Variants in NME2 observed in about 807,000 individuals in gnomAD.
NME2 encodes the protein nucleoside diphosphate kinase B.
In NME2, 18 loss-of-function variants were observed where a neutral mutation model predicts 17.8. The ratio of observed to expected loss-of-function variants is 1.01; its 90% CI spans 0.70 to 1.50. NME2 has a LOEUF of 1.50. NME2 is among the 40% of genes most tolerant of loss of function. The pLI is 0.00. For synonymous variants in NME2, 74 were observed against 71.4 expected (o/e 1.04, Z -0.19); for missense variants, 161 against 195.6 (o/e 0.82, Z 1.05).
chr17:51,168,949 A>G (rs1321687778), intron 3 of NME2, among the ~76,000 whole-genome samples: 1 of 151,848 alleles, frequency 6.6e-6, no homozygotes, highest in Non-Finnish European at 1.5e-5. Flanking sequence ...GGCGACAGCA[A>G]GACTCCATCT....
At chr17:51,167,114 C>A in intron 2 of NME2, 158 bp downstream of exon 2, 1 of 1,472,918 alleles carries the variant, frequency 6.8e-7, no homozygotes, top group Non-Finnish European at 9.1e-7. Context: ...GCCCGCCGAC[C>A]CTTTCCCGGG....
intron 4 of NME2, among the ~76,000 whole-genome samples, chr17:51,171,139 TC>T (rs796469661): frequency 5.0e-4 from 76 of 152,334 alleles, no homozygotes; most frequent in African/African-American, 1.7e-3. Context: ...AATGAACACA[TC>T]ATATCTAGTT....
At chr17:51,165,861 G>A (rs1190526270), upstream of NME2, 1 of 152,436 alleles carries the variant, frequency 6.6e-6, no homozygotes, top group African/African-American at 2.4e-5. Context: ...AGGACCAGAT[G>A]GCCGTTTGAG....
intron 3 of NME2, 182 bp from the exon 4 acceptor site, chr17:51,169,755 T>G: frequency 1.8e-6 from 1 of 545,458 alleles, no homozygotes; most frequent in South Asian, 2.4e-5. Context: ...GACTTTTCTT[T>G]GAATCCTAGC....
Position 51,170,048 on chromosome 17 carries a change from AG to A in NME2, c.341+1del. ...IRGDFCIQVGRNIIHGSDSVK... is the reference protein window; with the variant it reads ...IRGDFCIQVGXNIIHGSDSVK... ...TGGGGACTTCTGCATTCAGGTTGGC[AG>A]GTAAGTCCGGGGACAGGAGGGTGGA... is the stretch of plus-strand genomic sequence containing the variant. On this transcript the variant is annotated frameshift_variant and splice_region_variant, in exon 4 of 5. Coordinates refer to ENST00000512737, the MANE Select transcript of NME2 (RefSeq NM_002512.4). LOFTEE classifies it high-confidence loss of function. The A allele has an allele frequency of 1.2e-6, 2 of 1,606,692 alleles. No individual in the cohort carries two copies. Among genetic ancestry groups the A allele is most frequent in the Non-Finnish European group, 1.7e-6 (2 of 1,176,836 alleles).
intron 1 of NME2, 92 bp downstream of exon 1, chr17:51,166,589 C>G: frequency 3.4e-6 from 1 of 290,066 alleles, no homozygotes; most frequent in Non-Finnish European, 6.1e-6. Context: ...GGGCGCCCCC[C>G]GATTTCCCGC....
chr17:51,169,798 C>T (rs2050028603), intron 3 of NME2, 139 bp from the exon 4 acceptor site: 1 of 725,268 alleles, frequency 1.4e-6, no homozygotes, highest in African/African-American at 1.8e-5. Flanking sequence ...TATATAGGCC[C>T]CTACTCTCTG....
chr17:51,170,109 A>G (rs8074994), intron 4 of NME2, 60 bp downstream of exon 4: 3 of 1,246,062 alleles, frequency 2.4e-6, no homozygotes, highest in South Asian at 2.9e-5. Context: ...AGCAGACGTC[A>G]TGGCGTATCC....
rs767236870 is a variant in NME2 at position 51,166,868 on chromosome 17, C to A, written c.38C>A (p.Pro13Gln). The change falls in exon 2 of 5, where the codon CCG becomes CAG. Residue 13 changes from proline (P) to glutamine (Q), a missense_variant. Physicochemically the swap from Pro to Gln is moderately conservative, Grantham distance 76. Coordinates refer to ENST00000512737, the MANE Select transcript of NME2 (RefSeq NM_002512.4). Reference protein sequence around the residue: ...NLERTFIAIKPDGVQRGLVGE... With the variant: ...NLERTFIAIKQDGVQRGLVGE... The stretch of plus-strand genomic sequence containing the variant: ...GAGCGCACCTTCATCGCCATCAAGC[C>A]GGACGGCGTGCAGCGCGGCCTGGTG... 1 of 1,613,684 alleles carries A rather than the reference C, an allele frequency of 6.2e-7. No individual in the cohort carries two copies. Among genetic ancestry groups the A allele is most frequent in the South Asian group, 1.1e-5 (1 of 91,078 alleles).
Position 51,166,854 on chromosome 17 carries a change from C to T in NME2, c.24C>T (p.Phe8=). MANLERT[F]IAIKPDGVQR... is the part of the protein sequence containing the mutation. ...CCATGGCCAACCTGGAGCGCACCTT[C>T]ATCGCCATCAAGCCGGACGGCGTGC... Residue 8 remains phenylalanine, a synonymous_variant, in exon 2 of 5, where the codon TTC becomes TTT. Transcript: ENST00000512737. The T allele has an allele frequency of 6.2e-7, 1 of 1,613,576 alleles. No homozygotes were observed. The highest frequency in any genetic ancestry group is 8.5e-7 in the Non-Finnish European group (1 of 1,179,758).
chr17:51,171,604 A>C lies in NME2; in HGVS notation c.459A>C (p.Ter153TyrextTer24). ...GTGCTCATGACTGGGTCTATGAATA[A>C]GAGGTGGACACAACAGCAGTCTCCT... Reference protein sequence around the residue: ...KSCAHDWVYE* With the variant: ...KSCAHDWVYEY The change falls in exon 5 of 5, where the codon TAA becomes TAC. Residue 153 changes from the stop codon to tyrosine (Y), a stop_lost. Transcript: ENST00000512737. 1 of 1,611,080 alleles carries C rather than the reference A, an allele frequency of 6.2e-7. No homozygotes were observed. The highest frequency in any genetic ancestry group is 1.3e-5 in the African/African-American group (1 of 75,016).
rs906012891 is a variant in NME2, at chr17:51,166,855, A to T, written c.25A>T (p.Ile9Phe). Residue 9 changes from isoleucine (I) to phenylalanine (F), a missense_variant, in exon 2 of 5, where the codon ATC becomes TTC. By Grantham distance (21) the Ile-to-Phe change is conservative. Transcript: ENST00000512737. The stretch of plus-strand genomic sequence containing the variant: ...CATGGCCAACCTGGAGCGCACCTTC[A>T]TCGCCATCAAGCCGGACGGCGTGCA... MANLERTF[I>F]AIKPDGVQRG... The T allele has an allele frequency of 6.2e-6, 10 of 1,613,132 alleles. No homozygotes were observed. In the African/African-American group the frequency reaches 1.2e-4, roughly 19 times the overall value.
intron 4 of NME2, among the ~76,000 whole-genome samples, chr17:51,170,256 C>G (rs1320689561): frequency 6.6e-6 from 1 of 151,422 alleles, no homozygotes; most frequent in Non-Finnish European, 1.5e-5. Flanking sequence ...ATCCTCCTGC[C>G]GCAGCCTCCC....
At chr17:51,171,243 C>G (rs2050063476) in intron 4 of NME2, among the ~76,000 whole-genome samples, 1 of 152,122 alleles carries the variant, frequency 6.6e-6, no homozygotes, top group Non-Finnish European at 1.5e-5. Flanking sequence ...GGGGTACAAG[C>G]ACTCTTTTGA....
At chr17:51,166,568 G>A (rs541491035) in intron 1 of NME2, 71 bp downstream of exon 1, 1 of 252,508 alleles carries the variant, frequency 4.0e-6, no homozygotes. Flanking sequence ...CCGCAGGTGG[G>A]CCCGGTCTGT....
intron 2 of NME2, 194 bp downstream of exon 2, chr17:51,167,150 A>G: frequency 8.0e-7 from 1 of 1,249,962 alleles, no homozygotes; most frequent in South Asian, 1.6e-5. Flanking sequence ...GCCCTTGGGA[A>G]GGTGAAGCGC....
intron 4 of NME2, among the ~76,000 whole-genome samples, chr17:51,170,787 CAA>C (rs34260519): frequency 1.0e-3 from 67 of 64,270 alleles, no homozygotes; most frequent in Middle Eastern, 7.0e-3. Flanking sequence ...AACTCCGTCT[CAA>C]AAAAAAAAAA....
Position 51,171,678 on chromosome 17 carries a change from T to C in NME2, c.*74T>C, listed in dbSNP as rs1598255014. ...GGACACAGCTCTTCATTCCATTGAC[T>C]TAGAGGCAACAGGATTGATCATTCT... On this transcript the variant is annotated 3_prime_UTR_variant, in exon 5 of 5. Coordinates refer to ENST00000512737, the MANE Select transcript of NME2 (RefSeq NM_002512.4). The C allele has an allele frequency of 8.9e-7, 1 of 1,124,096 alleles. No homozygotes were observed. The highest frequency in any genetic ancestry group is 2.4e-5 in the East Asian group (1 of 42,254). The allele number at this position is 1,124,096 out of a possible 1,614,324, so 69.6% of individuals were successfully genotyped here.
chr17:51,167,217 C>A, intron 2 of NME2: 1 of 660,798 alleles, frequency 1.5e-6, no homozygotes, highest in South Asian at 2.0e-5. Flanking sequence ...GCTACCTGCC[C>A]ACCCGCCGCA....
Sources: allele counts gnomAD v4.1 joint callset (sites outside exome capture counted in the v4.1 genomes callset), GRCh38; gene constraint gnomAD v4.1.1; transcripts MANE v1.5; gene names NCBI Gene and HGNC (gene_info 2026-07-23, HGNC 2026-07-21).